STK33: variants seen among roughly 807,000 people sequenced by gnomAD.
STK33 encodes the protein serine/threonine kinase 33.
In STK33, 52 loss-of-function variants were observed where a neutral mutation model predicts 58.0. The observed-to-expected ratio is 0.90, with a 90% CI of 0.72 to 1.13. STK33 has a LOEUF of 1.13. STK33 is among the 50% of genes most tolerant of loss of function. STK33 has a pLI of 0.00. For missense variants in STK33, 630 were observed against 604.2 expected (o/e 1.04, Z -0.45); for synonymous variants, 215 against 200.1 (o/e 1.07, Z -0.63).
chr11:8,544,041 G>T (rs1310304294), intron 1 of STK33, among the ~76,000 whole-genome samples: 1 of 151,744 alleles, frequency 6.6e-6, no homozygotes, highest in African/African-American at 2.4e-5. Context: ...TTTAAGTTCT[G>T]GGATATATGT....
intron 1 of STK33, among the ~76,000 whole-genome samples, chr11:8,529,340 G>T (rs1954324217): frequency 6.6e-6 from 1 of 152,138 alleles, no homozygotes; most frequent in Non-Finnish European, 1.5e-5. Flanking sequence ...TGCTCTTATG[G>T]GGTCACAGAG....
the STK33 span, among the ~76,000 whole-genome samples, chr11:8,337,718 C>T: frequency 6.6e-6 from 1 of 152,108 alleles, no homozygotes; most frequent in South Asian, 2.1e-4. Flanking sequence ...TACCGCTCCC[C>T]CGCCCCCAGT....
At chr11:8,380,363 C>A in the STK33 span, among the ~76,000 whole-genome samples, 1 of 152,086 alleles carries the variant, frequency 6.6e-6, no homozygotes, top group South Asian at 2.1e-4. Flanking sequence ...ACTTCAAGAC[C>A]AGCCTGGCCA....
At chr11:8,590,258 C>T (rs572698637) in intron 1 of STK33, among the ~76,000 whole-genome samples, 2 of 152,262 alleles carry the variant, frequency 1.3e-5, no homozygotes, top group Admixed American at 1.3e-4. Flanking sequence ...ATCATCAGCT[C>T]ATGTTAAGAA....
intron 15 of STK33, among the ~76,000 whole-genome samples, chr11:8,393,042 T>C (rs184665653): frequency 6.6e-6 from 1 of 152,350 alleles, no homozygotes; most frequent in African/African-American, 2.4e-5. Flanking sequence ...TTTACAGATT[T>C]CTACACAAGC....
intron 1 of STK33, among the ~76,000 whole-genome samples, chr11:8,485,986 A>G (rs1950167657): frequency 6.6e-6 from 1 of 152,172 alleles, no homozygotes; most frequent in Non-Finnish European, 1.5e-5. Context: ...TTCTATTTCT[A>G]AAACACTTCT....
chr11:8,475,082 A>G lies in STK33; in HGVS notation c.-161-16T>C. The G allele has an allele frequency of 2.0e-6, 1 of 498,982 alleles. No individual in the cohort carries two copies. Among genetic ancestry groups the G allele is most frequent in the East Asian group, 3.3e-5 (1 of 30,168 alleles). 30.9% of individuals were successfully genotyped at this position (498,982 alleles called of 1,614,324 possible). On this transcript the variant is annotated splice_polypyrimidine_tract_variant and intron_variant, in intron 4 of 15. Transcript: ENST00000687296. ...CACGTGAGAGCTGCAGAAAGAAAAG[A>G]AATAACCATTTAGAGAAATTCTTAA...
chr11:8,449,932 G>T (rs919545705), intron 11 of STK33, among the ~76,000 whole-genome samples: 1 of 152,158 alleles, frequency 6.6e-6, no homozygotes, highest in Non-Finnish European at 1.5e-5. Flanking sequence ...TGGAGAAATA[G>T]GAATGCTTTT....
chr11:8,553,767 C>T (rs1956534671), intron 1 of STK33, among the ~76,000 whole-genome samples: 1 of 152,116 alleles, frequency 6.6e-6, no homozygotes, highest in Non-Finnish European at 1.5e-5. Context: ...AAGAATGAAA[C>T]TGCATCTTTA....
chr11:8,540,744 G>A (rs1307513153), intron 1 of STK33, among the ~76,000 whole-genome samples: 3 of 152,086 alleles, frequency 2.0e-5, no homozygotes, highest in Non-Finnish European at 2.9e-5. Flanking sequence ...TGGGCAGGGG[G>A]CGGGAGAGGA....
intron 1 of STK33, among the ~76,000 whole-genome samples, chr11:8,583,925 T>G (rs1406642107): frequency 6.6e-6 from 1 of 152,142 alleles, no homozygotes; most frequent in Non-Finnish European, 1.5e-5. Context: ...AATGGCTTAT[T>G]AATAACATTC....
intron 15 of STK33, among the ~76,000 whole-genome samples, chr11:8,394,541 T>A (rs1849024980): frequency 6.6e-6 from 1 of 152,226 alleles, no homozygotes; most frequent in Non-Finnish European, 1.5e-5. Flanking sequence ...GGCTTAATGG[T>A]TCCATTCTTC....
At chr11:8,433,255 GA>G (rs35444139) in intron 14 of STK33, among the ~76,000 whole-genome samples, 49,516 of 151,042 alleles carry the variant, frequency 0.33, 8,317 homozygotes, top group South Asian at 0.45. Flanking sequence ...AGCCCTTAAA[GA>G]AAAAAAAAGT....
chr11:8,400,999 C>T (rs913993406), intron 15 of STK33, among the ~76,000 whole-genome samples: 13 of 152,258 alleles, frequency 8.5e-5, no homozygotes, highest in Admixed American at 6.5e-4. Context: ...ACATTCCATG[C>T]TCATGGGTAG....
chr11:8,581,134 C>T lies in STK33; in HGVS notation c.-466+12949G>A, dbSNP rs531901187. Among the ~76,000 whole-genome samples the T allele has an allele frequency of 3.9e-5, 6 of 152,130 alleles. No homozygotes were observed. The South Asian group carries it at 1.2e-3, about 32-fold the overall frequency. On this transcript the variant is annotated intron_variant, in intron 1 of 15. Coordinates refer to ENST00000687296, the MANE Select transcript of STK33 (RefSeq NM_001352389.2). ...TCCTGGGATGCCTTTTCCTTCCTTC[C>T]CATCAACTCACATTCCTCACCTTGA...
chr11:8,556,588 C>A (rs553640082), intron 1 of STK33, among the ~76,000 whole-genome samples: 1 of 152,328 alleles, frequency 6.6e-6, no homozygotes, highest in African/African-American at 2.4e-5. Context: ...TTAAATGTCA[C>A]TTCTTCAGAA....
the STK33 span, among the ~76,000 whole-genome samples, chr11:8,343,335 G>A: frequency 2.0e-5 from 3 of 152,378 alleles, no homozygotes; most frequent in South Asian, 2.1e-4. Flanking sequence ...AGCACCGCTC[G>A]CTTTGTGAGG....
At chr11:8,586,460 A>C (rs2031650404) in intron 1 of STK33, among the ~76,000 whole-genome samples, 1 of 151,944 alleles carries the variant, frequency 6.6e-6, no homozygotes, top group Admixed American at 6.6e-5. Flanking sequence ...CAGACACAGA[A>C]GTGCTCTCCT....
At chr11:8,372,238 G>A in the STK33 span, among the ~76,000 whole-genome samples, 2 of 152,316 alleles carry the variant, frequency 1.3e-5, no homozygotes, top group East Asian at 1.9e-4. Context: ...TGAGCTTGGT[G>A]TTGCTGCAAG....
Sources: allele counts gnomAD v4.1 joint callset (sites outside exome capture counted in the v4.1 genomes callset), GRCh38; gene constraint gnomAD v4.1.1; transcripts MANE v1.5; gene names NCBI Gene and HGNC (gene_info 2026-07-23, HGNC 2026-07-21).